The following PARD3 variants were observed in gnomAD, a reference collection of about 807,000 sequenced individuals.
PARD3 encodes par-3 family cell polarity regulator.
In PARD3, 75 loss-of-function variants were observed where a neutral mutation model predicts 155.4. That is an observed-to-expected ratio of 0.48 (90% CI 0.40 to 0.58). The LOEUF is 0.58. Among genes scored for constraint, PARD3 ranks in the 20% least tolerant of loss-of-function variants. The pLI, the probability that PARD3 is intolerant of heterozygous loss-of-function variation, is 0.00. For synonymous variants in PARD3, 576 were observed against 610.5 expected (o/e 0.94, Z 0.83); for missense variants, 1,642 against 1,721.7 (o/e 0.95, Z 0.82).
At chr10:34,432,229 AAAAC>A (rs1299433174) in intron 5 of PARD3, among the ~76,000 whole-genome samples, 2 of 151,770 alleles carry the variant, frequency 1.3e-5, no homozygotes, top group Non-Finnish European at 2.9e-5. Flanking sequence ...ATTGATTTTA[AAAAC>A]AAACAGATGG....
chr10:34,716,570 C>G (rs2094522369), intron 1 of PARD3, among the ~76,000 whole-genome samples: 1 of 145,052 alleles, frequency 6.9e-6, no homozygotes, highest in Admixed American at 7.1e-5. Context: ...CTACGTGTGG[C>G]CCAGGATGGC....
intron 15 of PARD3, chr10:34,343,990 T>C (rs1837110249): frequency 2.0e-6 from 2 of 982,362 alleles, no homozygotes; most frequent in South Asian, 4.7e-5. Flanking sequence ...TAATGTTTCA[T>C]TTTTCTATGT....
intron 2 of PARD3, among the ~76,000 whole-genome samples, chr10:34,619,887 T>A (rs965380160): frequency 2.0e-5 from 3 of 152,188 alleles, no homozygotes; most frequent in Admixed American, 6.5e-5. Context: ...TTCTCCCTGA[T>A]ATTGTATAAA....
rs748406412 is a variant in PARD3 at position 34,360,220 on chromosome 10, T to A, written c.1747A>T (p.Thr583Ser). ...DEDIVLTPDG[T>S]REFLTFEVPL... is the part of the protein sequence containing the mutation. ...ACTTCAAATGTCAGAAATTCCCTGGTGCCATCAGGTGTAAGAACAATATCC... is the reference window on the plus strand; with the variant it reads ...ACTTCAAATGTCAGAAATTCCCTGGAGCCATCAGGTGTAAGAACAATATCC... Residue 583 changes from threonine to serine, a missense_variant, in exon 13 of 25, where the codon ACC becomes TCC. Physicochemically the swap from Thr to Ser is moderately conservative, Grantham distance 58. Transcript: ENST00000374788. The A allele has an allele frequency of 4.3e-6, 7 of 1,613,916 alleles. No homozygotes were observed. The highest frequency in any genetic ancestry group is 1.3e-5 in the African/African-American group (1 of 75,056).
intron 1 of PARD3, among the ~76,000 whole-genome samples, chr10:34,795,959 A>T (rs890507621): frequency 6.6e-6 from 1 of 152,200 alleles, no homozygotes; most frequent in Non-Finnish European, 1.5e-5. Flanking sequence ...ATACTCACAC[A>T]GGTGGGATGA....
intron 22 of PARD3, 98 bp downstream of exon 22, chr10:34,269,559 C>T (rs1955510261): frequency 2.2e-6 from 3 of 1,356,812 alleles, no homozygotes; most frequent in Admixed American, 2.2e-5. Flanking sequence ...TAATAAAAGG[C>T]AATTCTGGTT....
At chr10:34,576,979 T>C (rs996196105) in intron 2 of PARD3, among the ~76,000 whole-genome samples, 25 of 152,174 alleles carry the variant, frequency 1.6e-4, no homozygotes, top group Non-Finnish European at 2.4e-4. Context: ...CAGCACAGAT[T>C]GATAATTCCC....
chr10:34,508,945 C>A (rs1002115947), intron 3 of PARD3, among the ~76,000 whole-genome samples: 1 of 152,162 alleles, frequency 6.6e-6, no homozygotes, highest in East Asian at 1.9e-4. Context: ...CATTACTATA[C>A]AAAACCATCC....
intron 2 of PARD3, among the ~76,000 whole-genome samples, chr10:34,609,963 T>C (rs184738555): frequency 2.6e-5 from 4 of 152,326 alleles, no homozygotes; most frequent in African/African-American, 9.6e-5. Flanking sequence ...ATTATTTTTA[T>C]TAAGAGTAGT....
At chr10:34,197,943 T>C (rs1258620807) in intron 22 of PARD3, among the ~76,000 whole-genome samples, 1 of 152,218 alleles carries the variant, frequency 6.6e-6, no homozygotes, top group African/African-American at 2.4e-5. Flanking sequence ...TTGGCCAGGA[T>C]GGTCTTGAGG....
At chr10:34,282,093 A>G (rs1956186110) in intron 21 of PARD3, among the ~76,000 whole-genome samples, 2 of 150,882 alleles carry the variant, frequency 1.3e-5, no homozygotes, top group Admixed American at 1.3e-4. Flanking sequence ...TGCTTGCCCT[A>G]TTAAAATACA....
intron 2 of PARD3, among the ~76,000 whole-genome samples, chr10:34,539,049 C>T (rs941448920): frequency 6.6e-6 from 1 of 152,198 alleles, no homozygotes; most frequent in Non-Finnish European, 1.5e-5. Flanking sequence ...TATTTATTTA[C>T]TTGGTGAATA....
intron 2 of PARD3, among the ~76,000 whole-genome samples, chr10:34,544,868 C>T (rs2083919415): frequency 6.6e-6 from 1 of 152,154 alleles, no homozygotes. Flanking sequence ...GCACCTCTTG[C>T]TTAGTGAAGT....
At chr10:34,729,677 G>A (rs2094782669) in intron 1 of PARD3, among the ~76,000 whole-genome samples, 1 of 152,136 alleles carries the variant, frequency 6.6e-6, no homozygotes, top group Non-Finnish European at 1.5e-5. Context: ...TACAGTAAAT[G>A]AACCTGACAA....
rs58487524 is a variant in PARD3, at chr10:34,505,635, G to A, written c.403+11344C>T. Among the ~76,000 whole-genome samples the A allele has an allele frequency of 7.9e-5, 12 of 152,244 alleles. No individual in the cohort carries two copies. The South Asian group carries it at 1.9e-3, about 24-fold the overall frequency. On this transcript the variant is annotated intron_variant, in intron 3 of 24. Transcript: ENST00000374788. ...AACAGGCAAGCCTTTCCAGATGAAT[G>A]CCAGGCCAATGTCTACATCTGATGA...
chr10:34,591,445 G>A (rs1002664484), intron 2 of PARD3, among the ~76,000 whole-genome samples: 4 of 151,972 alleles, frequency 2.6e-5, no homozygotes, highest in East Asian at 3.9e-4. Flanking sequence ...ACCACATGTC[G>A]AACATTCTAA....
At chr10:34,193,394 C>T (rs1950799302) in intron 22 of PARD3, among the ~76,000 whole-genome samples, 1 of 152,096 alleles carries the variant, frequency 6.6e-6, no homozygotes, top group African/African-American at 2.4e-5. Context: ...TTCAAAACTA[C>T]TTTTACTATT....
intron 2 of PARD3, among the ~76,000 whole-genome samples, chr10:34,594,485 C>T (rs181311894): frequency 6.6e-6 from 1 of 152,194 alleles, no homozygotes; most frequent in East Asian, 1.9e-4. Flanking sequence ...CTTTTCAACT[C>T]AGCTCTCACC....
rs756048083 is a variant in PARD3 at position 34,605,997 on chromosome 10, CTA to C, written c.223-88840_223-88839del. Among the ~76,000 whole-genome samples, 164 of 58,862 alleles carry C rather than the reference CTA, an allele frequency of 2.8e-3. 9 individuals are homozygous for C. Among genetic ancestry groups the C allele is most frequent in the Admixed American group, 4.8e-3 (23 of 4,816 alleles). 38.6% of individuals were successfully genotyped at this position (58,862 alleles called of 152,430 possible). On this transcript the variant is annotated intron_variant, in intron 2 of 24. Coordinates refer to ENST00000374788, the MANE Select transcript of PARD3 (RefSeq NM_001184785.2). Reference sequence around the variant, plus strand: ...TATATCTCCTATATATATATATCTCCTATATATATATATCTCCTATATCTATA... The same window carrying C: ...TATATCTCCTATATATATATATCTCCTATATATATATCTCCTATATCTATA...
Sources: gnomAD v4.1 joint callset for allele counts (sites outside exome capture counted in the v4.1 genomes callset) on GRCh38, gnomAD v4.1.1 for gene constraint, MANE v1.5 for transcripts, NCBI Gene and HGNC (gene_info 2026-07-23, HGNC 2026-07-21) for gene names.